Variants in BUD13 observed in about 807,000 individuals in gnomAD.
BUD13 encodes the protein BUD13 homolog.
A neutral mutation model predicts 62.5 loss-of-function variants in BUD13; 47 were observed. The observed-to-expected ratio is 0.75, with a 90% CI of 0.60 to 0.96. BUD13 has a LOEUF of 0.96. Ranked by LOEUF, BUD13 falls within the 40% of genes least tolerant of loss-of-function variation. The pLI, the probability that BUD13 is intolerant of heterozygous loss-of-function variation, is 0.00. For synonymous variants in BUD13, 293 were observed against 280.1 expected, an observed-to-expected ratio of 1.05 and a Z score of -0.46; for missense variants, 821 against 790.9, an observed-to-expected ratio of 1.04 and a Z score of -0.46.
intron 2 of BUD13, among the ~76,000 whole-genome samples, chr11:116,767,975 AAATAATAATAATAATAATAATAAT>A (rs57099961): frequency 4.9e-5 from 7 of 143,678 alleles, no homozygotes; most frequent in East Asian, 2.0e-4. Context: ...CCTGTCTCAA[AAATAATAATAATAATAATAATAAT>A]AATAATAATA....
intron 9 of BUD13, among the ~76,000 whole-genome samples, chr11:116,754,084 C>T (rs1388077930): frequency 1.3e-5 from 2 of 152,244 alleles, no homozygotes; most frequent in Non-Finnish European, 2.9e-5. Context: ...CTCACTCTGT[C>T]ATCCAGGCTG....
chr11:116,760,772 A>G lies in BUD13; in HGVS notation c.1217T>C (p.Leu406Pro). The G allele has an allele frequency of 6.2e-7, 1 of 1,614,194 alleles. No individual in the cohort carries two copies. Among genetic ancestry groups the G allele is most frequent in the Non-Finnish European group, 8.5e-7 (1 of 1,180,026 alleles). The change falls in exon 5 of 10, where the codon CTG (leucine) becomes CCG (proline). Residue 406 changes from leucine (L) to proline (P), a missense_variant. Physicochemically the swap from Leu to Pro is moderately conservative, Grantham distance 98 (BLOSUM62 -3). Coordinates refer to ENST00000260210, the MANE Select transcript of BUD13 (RefSeq NM_032725.4). Reference sequence around the variant, plus strand: ...AGGCTGACTCCTTCGAGGCGGGGACAGGTCAGAATCAGAAGATTTGGTCCT... The same window carrying G: ...AGGCTGACTCCTTCGAGGCGGGGACGGGTCAGAATCAGAAGATTTGGTCCT... The part of the protein sequence containing the change: ...RQRTKSSDSD[L>P]SPPRRSQPPG...
chr11:116,770,056 CAAAA>C (rs34855544), intron 2 of BUD13, 69 bp downstream of exon 2: 1,465 of 850,124 alleles, frequency 1.7e-3, no homozygotes, highest in Middle Eastern at 3.1e-3. Flanking sequence ...GACTCCGTCT[CAAAA>C]AAAAAAAAAA....
chr11:116,770,312 C>T (rs1263151), intron 1 of BUD13, 90 bp from the exon 2 acceptor site: 537,365 of 1,119,910 alleles, frequency 0.48, 130,316 homozygotes, highest in African/African-American at 0.52. Flanking sequence ...AGTTCAAAAT[C>T]CTACAGGATC....
intron 5 of BUD13, among the ~76,000 whole-genome samples, chr11:116,760,390 G>A (rs1056867275): frequency 6.6e-6 from 1 of 152,226 alleles, no homozygotes; most frequent in Non-Finnish European, 1.5e-5. Context: ...TATGTGATCC[G>A]TTTGACACAA....
In BUD13 at chr11:116,763,063, G is replaced by C. The variant is rs901272373; in HGVS notation, c.526C>G (p.Pro176Ala). The C allele has an allele frequency of 6.2e-7, 1 of 1,611,980 alleles. No individual in the cohort carries two copies. Among genetic ancestry groups the C allele is most frequent in the African/African-American group, 1.3e-5 (1 of 74,312 alleles). ...GAGTCATGACGGATCCTCCTGGGAG[G>C]AGATGTGTCTGAGTCATGACGAGCC... is the stretch of plus-strand genomic sequence containing the variant. ...RGARHDSDTS[P>A]PRRIRHDSSD... Residue 176 changes from proline (P) to alanine (A), a missense_variant, in exon 4 of 10, where the codon CCT becomes GCT. By Grantham distance (27) the Pro-to-Ala change is conservative. Transcript: ENST00000260210.
Position 116,760,837 on chromosome 11 carries a change from C to G in BUD13, c.1152G>C (p.Arg384=). Residue 384 remains arginine (R), a synonymous_variant, in exon 5 of 10, where the codon CGG becomes CGC. Transcript: ENST00000260210. ...GTGGAGAGAGGTCAGAATCAGAGCT[C>G]CGGTGTCTAGGTCTATTCCGTGGAG... is the stretch of plus-strand genomic sequence containing the variant. ...LSPPRNRPRH[R]SSDSDLSPPR... is the part of the protein sequence containing the mutation. 6.2e-7 allele frequency: 1 copy of G among 1,614,100 alleles called. No individual in the cohort carries two copies. The highest frequency in any genetic ancestry group is 8.5e-7 in the Non-Finnish European group (1 of 1,180,022).
chr11:116,764,379 T>C (rs1033834705), intron 3 of BUD13, among the ~76,000 whole-genome samples: 9 of 152,258 alleles, frequency 5.9e-5, no homozygotes, highest in South Asian at 2.1e-4. Flanking sequence ...AAAAGTATGA[T>C]GTCTGTGGGG....
chr11:116,757,124 T>C (rs776524813), intron 9 of BUD13, 22 bp downstream of exon 9: 4 of 1,609,368 alleles, frequency 2.5e-6, no homozygotes, highest in East Asian at 4.5e-5. Context: ...AGGTAGAAAA[T>C]GTAAGAAATA....
At chr11:116,771,873 G>C (rs920791337) in intron 1 of BUD13, among the ~76,000 whole-genome samples, 1 of 152,216 alleles carries the variant, frequency 6.6e-6, no homozygotes, top group African/African-American at 2.4e-5. Context: ...CTCTCTCGCA[G>C]TTCTGGAAGC....
chr11:116,771,092 T>C (rs1940620135), intron 1 of BUD13, among the ~76,000 whole-genome samples: 1 of 152,186 alleles, frequency 6.6e-6, no homozygotes, highest in Admixed American at 6.5e-5. Flanking sequence ...CAGGAAACTC[T>C]TCCTCATTCT....
intron 6 of BUD13, 63 bp downstream of exon 6, chr11:116,759,011 G>A (rs1940383015): frequency 1.8e-6 from 2 of 1,132,464 alleles, no homozygotes; most frequent in South Asian, 1.4e-5. Flanking sequence ...GGTACAATAA[G>A]CTAAATTAAA....
chr11:116,759,300 C>T, intron 5 of BUD13, 121 bp from the exon 6 acceptor site: 1 of 632,546 alleles, frequency 1.6e-6, no homozygotes, highest in Non-Finnish European at 2.8e-6. Context: ...AAAACTCTAG[C>T]TTTATATTCT....
chr11:116,765,399 C>G lies in BUD13; in HGVS notation c.285G>C (p.Glu95Asp), dbSNP rs1940515065. 6.2e-7 allele frequency: 1 copy of G among 1,614,032 alleles called. No individual in the cohort carries two copies. Among genetic ancestry groups the G allele is most frequent in the African/African-American group, 1.3e-5 (1 of 74,926 alleles). ...DERPEEVKQM[E>D]AFRSSAKWKL... is the part of the protein sequence containing the mutation. ...TCCATTTGGCACTGGAACGAAAGGC[C>G]TCCATCTGCTTTACCTCTTCTGGCC... is the stretch of plus-strand genomic sequence containing the variant. The change falls in exon 3 of 10, where the codon GAG (glutamate) becomes GAC (aspartate). Residue 95 changes from glutamate to aspartate, a missense_variant. Glu to Asp is a conservative substitution (Grantham distance 45, BLOSUM62 2). Coordinates refer to ENST00000260210, the MANE Select transcript of BUD13 (RefSeq NM_032725.4).
rs527336796 is a variant in BUD13, at chr11:116,755,798, T to G, written c.1766+1348A>C. Among the ~76,000 whole-genome samples, 254 of 152,308 alleles carry G rather than the reference T, an allele frequency of 1.7e-3. No homozygotes were observed. The Middle Eastern group carries it at 0.017, about 10-fold the overall frequency. On this transcript the variant is annotated intron_variant, in intron 9 of 9. Transcript: ENST00000260210. ...CAGTAATTATGTTAACATAATTAGT[T>G]TATTTTTTTTTGAATGAATAAATAC...
intron 8 of BUD13, 129 bp downstream of exon 8, chr11:116,757,637 A>C (rs1378825497): frequency 8.2e-7 from 1 of 1,215,200 alleles, no homozygotes; most frequent in Non-Finnish European, 1.1e-6. Flanking sequence ...ATTGAGTTGA[A>C]TCTAAACTCA....
chr11:116,761,010 T>G (rs1940421942), intron 4 of BUD13, 58 bp from the exon 5 acceptor site: 2 of 1,372,284 alleles, frequency 1.5e-6, no homozygotes, highest in African/African-American at 1.4e-5. Context: ...AGAACTTACA[T>G]GAAATCTCCT....
chr11:116,759,938 A>G (rs1269110472), intron 5 of BUD13, among the ~76,000 whole-genome samples: 2 of 152,220 alleles, frequency 1.3e-5, no homozygotes, highest in Non-Finnish European at 2.9e-5. Flanking sequence ...CACAGGCTCT[A>G]TCATTCTGTT....
intron 6 of BUD13, among the ~76,000 whole-genome samples, chr11:116,758,697 C>G (rs1331193693): frequency 1.3e-5 from 2 of 150,002 alleles, no homozygotes; most frequent in Non-Finnish European, 3.0e-5. Flanking sequence ...AAGCGATTCT[C>G]CTGTCTCAGC....
Sources: allele counts gnomAD v4.1 joint callset (sites outside exome capture counted in the v4.1 genomes callset), GRCh38; gene constraint gnomAD v4.1.1; transcripts MANE v1.5; gene names NCBI Gene and HGNC (gene_info 2026-07-23, HGNC 2026-07-21).